TSC22D1: variants seen among roughly 807,000 people sequenced by gnomAD.
TSC22D1 encodes TSC22 domain family protein 1.
TSC22D1 carries 9 observed loss-of-function variants against 74.2 expected under a neutral mutation model. That is an observed-to-expected ratio of 0.12 (90% CI 0.07 to 0.21). The LOEUF (loss-of-function observed/expected upper bound fraction) is 0.21, where lower values mean the gene tolerates loss of function less well. Among genes scored for constraint, TSC22D1 ranks in the 10% least tolerant of loss-of-function variants. The pLI is 1.00. For missense variants in TSC22D1, 1,427 were observed against 1,304.7 expected (o/e 1.09, Z -1.44); for synonymous variants, 586 against 492.5 (o/e 1.19, Z -2.51).
chr13:44,460,882 T>C (rs1389907486), intron 1 of TSC22D1, among the ~76,000 whole-genome samples: 2 of 152,148 alleles, frequency 1.3e-5, no homozygotes, highest in African/African-American at 4.8e-5. Context: ...TCTAAAAAGC[T>C]TTCAAACCAA....
intron 1 of TSC22D1, among the ~76,000 whole-genome samples, chr13:44,484,460 A>G (rs1269594515): frequency 1.3e-5 from 2 of 152,196 alleles, no homozygotes; most frequent in East Asian, 3.8e-4. Context: ...TCAGAGGTAA[A>G]TAATGTCTCT....
At chr13:44,464,398 C>T (rs544704278) in intron 1 of TSC22D1, among the ~76,000 whole-genome samples, 4 of 152,188 alleles carry the variant, frequency 2.6e-5, no homozygotes, top group South Asian at 2.1e-4. Context: ...CAAATGCCTG[C>T]GAGGATGACA....
At chr13:44,535,479 T>A (rs895510828) in intron 1 of TSC22D1, among the ~76,000 whole-genome samples, 1 of 152,014 alleles carries the variant, frequency 6.6e-6, no homozygotes, top group African/African-American at 2.4e-5. Context: ...AAAAATTGCT[T>A]AGGACATCTA....
At chr13:44,503,689 G>A (rs1879316505) in intron 1 of TSC22D1, among the ~76,000 whole-genome samples, 1 of 152,094 alleles carries the variant, frequency 6.6e-6, no homozygotes, top group Non-Finnish European at 1.5e-5. Context: ...AGGTTGTAAA[G>A]ACAAATGAAA....
chr13:44,529,491 C>G (rs1277770613), intron 1 of TSC22D1, among the ~76,000 whole-genome samples: 1 of 152,044 alleles, frequency 6.6e-6, no homozygotes, highest in African/African-American at 2.4e-5. Context: ...AAATGTCTTT[C>G]TTGTTGGTGA....
In TSC22D1 at chr13:44,576,205, C is replaced by T; in HGVS notation, c.-131G>A. On this transcript the variant is annotated 5_prime_UTR_variant, in exon 1 of 3. Transcript: ENST00000458659. ...TGGCGCGATTCCTCCTTCTCCTCCT[C>T]CTCAGCCAAAGGCGCCGGTCGCTCC... 7.5e-7 allele frequency: 1 copy of T among 1,328,810 alleles called. No homozygotes were observed. Among genetic ancestry groups the T allele is most frequent in the Non-Finnish European group, 9.9e-7 (1 of 1,006,824 alleles). 82.3% of individuals were successfully genotyped at this position (1,328,810 alleles called of 1,614,324 possible). A position where few individuals can be genotyped will look rare whatever the true frequency, so the allele number is the denominator to read the frequency against.
intron 1 of TSC22D1, among the ~76,000 whole-genome samples, chr13:44,465,128 G>A (rs553798998): frequency 1.1e-4 from 17 of 152,172 alleles, no homozygotes; most frequent in African/African-American, 3.4e-4. Context: ...CATATATATC[G>A]TGGCATAGAA....
chr13:44,536,371 T>C (rs1881129265), intron 1 of TSC22D1, among the ~76,000 whole-genome samples: 1 of 151,904 alleles, frequency 6.6e-6, no homozygotes, highest in Non-Finnish European at 1.5e-5. Flanking sequence ...AAATCCTGCA[T>C]AGAAAAGGTA....
chr13:44,464,438 C>T (rs890716996), intron 1 of TSC22D1, among the ~76,000 whole-genome samples: 2 of 152,036 alleles, frequency 1.3e-5, no homozygotes, highest in African/African-American at 4.8e-5. Flanking sequence ...ACTGACCTTA[C>T]GGAGTTTACA....
intron 1 of TSC22D1, among the ~76,000 whole-genome samples, chr13:44,498,876 T>C (rs1013808106): frequency 1.3e-5 from 2 of 152,180 alleles, no homozygotes; most frequent in Non-Finnish European, 2.9e-5. Context: ...TTGACATGAT[T>C]AACACATTTG....
chr13:44,485,546 A>G (rs905219105), intron 1 of TSC22D1, among the ~76,000 whole-genome samples: 2 of 152,156 alleles, frequency 1.3e-5, no homozygotes, highest in African/African-American at 4.8e-5. Flanking sequence ...TAGTTCAGAG[A>G]GAACAGATGC....
At chr13:44,456,190 G>C (rs1358080727) in intron 1 of TSC22D1, among the ~76,000 whole-genome samples, 1 of 152,216 alleles carries the variant, frequency 6.6e-6, no homozygotes, top group Admixed American at 6.5e-5. Flanking sequence ...AAAGTGAGCA[G>C]CAGCAAGATT....
chr13:44,512,405 G>A (rs1395892818), intron 1 of TSC22D1, among the ~76,000 whole-genome samples: 2 of 151,948 alleles, frequency 1.3e-5, no homozygotes, highest in Admixed American at 6.6e-5. Flanking sequence ...TCCTGACCTC[G>A]TGATCCGCCC....
rs1049775498 is a variant in TSC22D1, at chr13:44,537,921, G to T, written c.2912+35242C>A. ...ACTCTAGAATGTCTATTCTTAAAAT[G>T]TATACCAAATTTAACAAACTGGCAG... On this transcript the variant is annotated intron_variant, in intron 1 of 2. Coordinates refer to ENST00000458659, the MANE Select transcript of TSC22D1 (RefSeq NM_183422.4). The T allele has an allele frequency of 2.4e-5, 24 of 985,024 alleles. No homozygotes were observed. In the Middle Eastern group the frequency reaches 1.6e-3, roughly 64 times the overall value. The allele number at this position is 985,024 out of a possible 1,614,324, so 61.0% of individuals were successfully genotyped here. A position where few individuals can be genotyped will look rare whatever the true frequency, so the allele number is the denominator to read the frequency against.
chr13:44,560,468 C>A (rs969122366), intron 1 of TSC22D1, among the ~76,000 whole-genome samples: 1 of 152,064 alleles, frequency 6.6e-6, no homozygotes, highest in Non-Finnish European at 1.5e-5. Context: ...CTATTAGGAA[C>A]TTTTAATTTT....
chr13:44,495,090 A>G (rs1444967881), intron 1 of TSC22D1, among the ~76,000 whole-genome samples: 1 of 152,130 alleles, frequency 6.6e-6, no homozygotes, highest in Middle Eastern at 3.2e-3. Context: ...ATGAAGAAAA[A>G]TGAATGGAGG....
intron 1 of TSC22D1, among the ~76,000 whole-genome samples, chr13:44,505,738 T>C (rs189034797): frequency 1.3e-5 from 2 of 152,318 alleles, no homozygotes; most frequent in Admixed American, 1.3e-4. Context: ...TAAATTTCCA[T>C]TTCATTAAGT....
In TSC22D1 at chr13:44,556,883, C is replaced by T. The variant is rs749993363; in HGVS notation, c.2912+16280G>A. On this transcript the variant is annotated intron_variant, in intron 1 of 2. Transcript: ENST00000458659. ...TCAAGGCCGAGCATGGTGTCTCACA[C>T]CTGTAATCCCAGCACTTTGGGAGGC... is the stretch of plus-strand genomic sequence containing the variant. Among the ~76,000 whole-genome samples the T allele has an allele frequency of 2.6e-5, 4 of 152,112 alleles. No homozygotes were observed. In the East Asian group the frequency reaches 7.7e-4, roughly 29 times the overall value.
intron 2 of TSC22D1, chr13:44,435,785 A>G (rs1874548819): frequency 3.8e-6 from 2 of 526,430 alleles, no homozygotes; most frequent in Non-Finnish European, 6.8e-6. Context: ...CCCAGCAAAA[A>G]GGGTCACCGT....
Sources: allele counts gnomAD v4.1 joint callset (sites outside exome capture counted in the v4.1 genomes callset), GRCh38; gene constraint gnomAD v4.1.1; transcripts MANE v1.5; gene names NCBI Gene and HGNC (gene_info 2026-07-23, HGNC 2026-07-21).